The following ANKS1B variants were observed in gnomAD, a reference collection of about 807,000 sequenced individuals.
ANKS1B encodes the protein ankyrin repeat and sterile alpha motif domain containing 1B, also known as ankyrin repeat and sterile alpha motif domain-containing protein 1B.
Under a neutral mutation model 148.3 loss-of-function variants are expected in ANKS1B, and 36 were observed. That is an observed-to-expected ratio of 0.24 (90% CI 0.19 to 0.32). The LOEUF (loss-of-function observed/expected upper bound fraction) is 0.32. Among genes scored for constraint, ANKS1B ranks in the 10% least tolerant of loss-of-function variants. The pLI, the probability that ANKS1B is intolerant of heterozygous loss-of-function variation, is 1.00. For missense variants in ANKS1B, 1,157 were observed against 1,542.6 expected (o/e 0.75, Z 4.19); for synonymous variants, 542 against 560.8 (o/e 0.97, Z 0.47).
At chr12:99,551,556 AGG>A (rs2097219086) in intron 9 of ANKS1B, among the ~76,000 whole-genome samples, 3 of 43,344 alleles carry the variant, frequency 6.9e-5, no homozygotes, top group Non-Finnish European at 1.5e-4. Flanking sequence ...AGGGGAGGGG[AGG>A]GGAGGGGAGG....
chr12:99,154,543 G>A, intron 14 of ANKS1B, 148 bp from the exon 15 acceptor site: 2 of 1,582,166 alleles, frequency 1.3e-6, no homozygotes, highest in Non-Finnish European at 1.7e-6. Flanking sequence ...ACAGATTAAT[G>A]TTCTCAGCGA....
At chr12:98,918,753 C>T (rs548487476) in intron 17 of ANKS1B, among the ~76,000 whole-genome samples, 5 of 152,312 alleles carry the variant, frequency 3.3e-5, no homozygotes, top group African/African-American at 1.2e-4. Flanking sequence ...GTCACTTAAA[C>T]AGGGAACGGT....
chr12:99,188,492 A>G (rs904476064), intron 14 of ANKS1B, among the ~76,000 whole-genome samples: 4 of 152,204 alleles, frequency 2.6e-5, no homozygotes, highest in African/African-American at 9.6e-5. Context: ...CATAACAAAC[A>G]GTCTCTCAGA....
intron 14 of ANKS1B, among the ~76,000 whole-genome samples, chr12:99,171,908 A>G (rs1485259256): frequency 6.6e-6 from 1 of 152,124 alleles, no homozygotes; most frequent in Admixed American, 6.6e-5. Context: ...TCCCAGCCTC[A>G]AAGATTTTAG....
chr12:99,057,470 T>C (rs1391550898), intron 16 of ANKS1B, among the ~76,000 whole-genome samples: 4 of 152,346 alleles, frequency 2.6e-5, no homozygotes, highest in Non-Finnish European at 4.4e-5. Context: ...TCTATTTCCT[T>C]CCTTCTTTAT....
At chr12:99,239,962 C>A (rs990624010) in intron 14 of ANKS1B, among the ~76,000 whole-genome samples, 2 of 152,204 alleles carry the variant, frequency 1.3e-5, no homozygotes, top group African/African-American at 4.8e-5. Flanking sequence ...ACTGCAAAAA[C>A]ATGCCAAATT....
At chr12:98,986,451 T>C (rs2099923438) in intron 17 of ANKS1B, among the ~76,000 whole-genome samples, 1 of 152,164 alleles carries the variant, frequency 6.6e-6, no homozygotes, top group African/African-American at 2.4e-5. Flanking sequence ...TCCTCTGACA[T>C]ATTCTTCTTC....
At chr12:99,537,307 T>C (rs1009453801) in intron 9 of ANKS1B, among the ~76,000 whole-genome samples, 10 of 152,258 alleles carry the variant, frequency 6.6e-5, no homozygotes, top group African/African-American at 2.4e-4. Context: ...CATATGGTAG[T>C]TCTATTTTTA....
chr12:99,899,569 T>A (rs2093512840), intron 1 of ANKS1B, among the ~76,000 whole-genome samples: 1 of 152,180 alleles, frequency 6.6e-6, no homozygotes, highest in South Asian at 2.1e-4. Context: ...TTTATCAATA[T>A]GACATTTAAT....
intron 9 of ANKS1B, among the ~76,000 whole-genome samples, chr12:98,736,118 A>G (rs745993968): frequency 5.3e-5 from 8 of 152,160 alleles, no homozygotes; most frequent in Non-Finnish European, 1.0e-4. Flanking sequence ...AGGCCACAGT[A>G]AGGACTTCAC....
chr12:99,281,843 C>T (rs1431345173), intron 12 of ANKS1B, among the ~76,000 whole-genome samples: 4 of 152,106 alleles, frequency 2.6e-5, no homozygotes, highest in African/African-American at 9.7e-5. Context: ...TACTGAGAAC[C>T]TACTAAATTG....
intron 19 of ANKS1B, among the ~76,000 whole-genome samples, chr12:98,824,465 G>T (rs201421): frequency 0.74 from 111,870 of 152,102 alleles, 41,494 homozygotes; most frequent in East Asian, 0.99. Flanking sequence ...ACAGGTGATG[G>T]GTCTGAACCG....
chr12:99,147,797 A>G (rs2073657993), intron 15 of ANKS1B, among the ~76,000 whole-genome samples: 1 of 152,078 alleles, frequency 6.6e-6, no homozygotes, highest in African/African-American at 2.4e-5. Context: ...GTAGAAGAAC[A>G]GGGGTGATTG....
At chr12:99,388,404 G>C (rs2093953112) in intron 12 of ANKS1B, among the ~76,000 whole-genome samples, 1 of 152,160 alleles carries the variant, frequency 6.6e-6, no homozygotes, top group Non-Finnish European at 1.5e-5. Flanking sequence ...TGGGGCAAAG[G>C]TGACAGTTTT....
rs534528528 is a variant in ANKS1B at position 99,000,627 on chromosome 12, C to A, written c.2778+52530G>T. Among the ~76,000 whole-genome samples the A allele has an allele frequency of 2.0e-5, 3 of 152,296 alleles. No individual in the cohort carries two copies. In the South Asian group the frequency reaches 6.2e-4, roughly 32 times the overall value. On this transcript the variant is annotated intron_variant, in intron 17 of 26. Transcript: ENST00000683438. ...CTGTGATAAGAACACAACATGAGGT[C>A]TACCCTCTTAAAAATTGTGTGCATA...
chr12:98,769,778 T>C (rs1008999785), intron 25 of ANKS1B, among the ~76,000 whole-genome samples: 2 of 152,164 alleles, frequency 1.3e-5, no homozygotes, highest in African/African-American at 4.8e-5. Context: ...TAAAAACCAA[T>C]TTTATTGAAA....
At chr12:99,516,511 T>C (rs192868007) in intron 9 of ANKS1B, among the ~76,000 whole-genome samples, 44 of 152,162 alleles carry the variant, frequency 2.9e-4, no homozygotes, top group African/African-American at 1.0e-3. Flanking sequence ...ACACCTCATG[T>C]TGTCACTCAT....
intron 16 of ANKS1B, among the ~76,000 whole-genome samples, chr12:99,056,997 T>C (rs1192153199): frequency 4.6e-5 from 7 of 152,192 alleles, no homozygotes. Flanking sequence ...ATTACTCCAC[T>C]GCCCAAGCAG....
intron 17 of ANKS1B, among the ~76,000 whole-genome samples, chr12:98,896,891 A>G (rs1282735991): frequency 6.6e-6 from 1 of 152,234 alleles, no homozygotes; most frequent in Non-Finnish European, 1.5e-5. Flanking sequence ...CCGAAGAATG[A>G]CATTTTCCAG....
Sources: gnomAD v4.1 joint callset for allele counts (sites outside exome capture counted in the v4.1 genomes callset) on GRCh38, gnomAD v4.1.1 for gene constraint, MANE v1.5 for transcripts, NCBI Gene and HGNC (gene_info 2026-07-23, HGNC 2026-07-21) for gene names.